Variants in ARHGAP15 observed in about 807,000 individuals in gnomAD.
ARHGAP15 encodes the protein rho GTPase-activating protein 15.
Under a neutral mutation model 63.7 loss-of-function variants are expected in ARHGAP15, and 51 were observed. That is an observed-to-expected ratio of 0.80 (90% CI 0.64 to 1.01). The LOEUF is 1.01. Among genes scored for constraint, ARHGAP15 ranks in the 50% least tolerant of loss-of-function variants. ARHGAP15 has a pLI of 0.00. For missense variants in ARHGAP15, 560 were observed against 564.6 expected, an observed-to-expected ratio of 0.99 and a Z score of 0.08; for synonymous variants, 191 against 193.8, an observed-to-expected ratio of 0.99 and a Z score of 0.12.
chr2:143,358,624 G>A (rs1685905699), intron 6 of ARHGAP15, among the ~76,000 whole-genome samples: 1 of 150,228 alleles, frequency 6.7e-6, no homozygotes, highest in Non-Finnish European at 1.5e-5. Context: ...TTTCATACAT[G>A]TCTATAAATA....
chr2:143,208,665 T>C (rs532705156), intron 3 of ARHGAP15, among the ~76,000 whole-genome samples: 1 of 152,184 alleles, frequency 6.6e-6, no homozygotes, highest in African/African-American at 2.4e-5. Context: ...GTTTTGTACA[T>C]GAATCATCAA....
intron 6 of ARHGAP15, among the ~76,000 whole-genome samples, chr2:143,292,663 CT>C (rs1472628248): frequency 6.6e-6 from 1 of 151,862 alleles, no homozygotes; most frequent in Non-Finnish European, 1.5e-5. Flanking sequence ...TCATAAATCA[CT>C]TCCAAAGTAA....
At chr2:143,696,662 G>A (rs1270720931) in intron 12 of ARHGAP15, among the ~76,000 whole-genome samples, 1 of 152,034 alleles carries the variant, frequency 6.6e-6, no homozygotes, top group Admixed American at 6.6e-5. Context: ...GACAATTATT[G>A]ACTATAAAGA....
intron 6 of ARHGAP15, among the ~76,000 whole-genome samples, chr2:143,323,178 C>G (rs1447758059): frequency 6.6e-6 from 1 of 152,100 alleles, no homozygotes; most frequent in Admixed American, 6.5e-5. Flanking sequence ...GAGAGTGTTT[C>G]ACAGATTGAG....
rs370447854 is a variant in ARHGAP15 at position 143,481,673 on chromosome 2, A to G, written c.704-5700A>G. 2.6e-5 allele frequency among the ~76,000 whole-genome samples: 4 copies of G among 152,182 alleles called. No individual in the cohort carries two copies. The East Asian group carries it at 5.8e-4, about 22-fold the overall frequency. ...CTTCCTGTTACTAAAGTGAGAAAAT[A>G]AGTATACTAAGGGCACCCATTTACA... On this transcript the variant is annotated intron_variant, in intron 8 of 13. Coordinates refer to ENST00000295095, the MANE Select transcript of ARHGAP15 (RefSeq NM_018460.4).
At chr2:143,143,005 T>C (rs1337003194) in intron 1 of ARHGAP15, among the ~76,000 whole-genome samples, 1 of 152,164 alleles carries the variant, frequency 6.6e-6, no homozygotes, top group African/African-American at 2.4e-5. Flanking sequence ...GCAAAAATCC[T>C]ATATTTCACT....
chr2:143,372,234 C>A (rs1210328785), intron 6 of ARHGAP15, among the ~76,000 whole-genome samples: 1 of 150,680 alleles, frequency 6.6e-6, no homozygotes, highest in African/African-American at 2.4e-5. Flanking sequence ...CCCAGGTACT[C>A]GGAAGGAAGA....
intron 2 of ARHGAP15, among the ~76,000 whole-genome samples, chr2:143,167,952 G>C (rs527331984): frequency 6.6e-6 from 1 of 152,166 alleles, no homozygotes; most frequent in African/African-American, 2.4e-5. Context: ...TCTATTGACT[G>C]GCTGTTCACA....
intron 6 of ARHGAP15, chr2:143,344,217 C>A (rs1195845210): frequency 6.6e-6 from 1 of 152,084 alleles, no homozygotes; most frequent in Non-Finnish European, 1.5e-5. Context: ...GCGTCTTTAA[C>A]CCTGAGTAGA....
At chr2:143,543,469 T>C (rs1234534769) in intron 10 of ARHGAP15, among the ~76,000 whole-genome samples, 2 of 152,130 alleles carry the variant, frequency 1.3e-5, no homozygotes, top group African/African-American at 4.8e-5. Context: ...GTCAAATGTA[T>C]ATTTTGAAAA....
rs369024056 is a variant in ARHGAP15, at chr2:143,442,917, TAA to T, written c.703+5876_703+5877del. Reference sequence around the variant, plus strand: ...AAAGAAAGATCAAATTTTCTGAATATAAGTTACATTAAGACCTCTTTACATGA... The same window carrying T: ...AAAGAAAGATCAAATTTTCTGAATATGTTACATTAAGACCTCTTTACATGA... On this transcript the variant is annotated intron_variant, in intron 8 of 13. Transcript: ENST00000295095. Among the ~76,000 whole-genome samples, 297 of 152,314 alleles carry T rather than the reference TAA, an allele frequency of 1.9e-3. 2 individuals carry two copies. Among genetic ancestry groups the T allele is most frequent in the African/African-American group, 7.0e-3 (289 of 41,582 alleles).
chr2:143,701,065 T>G (rs548006891), intron 12 of ARHGAP15, among the ~76,000 whole-genome samples: 1 of 152,280 alleles, frequency 6.6e-6, no homozygotes, highest in East Asian at 1.9e-4. Flanking sequence ...GGAACTCTTC[T>G]AAGAATAACT....
At chr2:143,237,979 C>T (rs2104938179) in intron 5 of ARHGAP15, 1 of 152,120 alleles carries the variant, frequency 6.6e-6, no homozygotes, top group Middle Eastern at 3.4e-3. Flanking sequence ...ACATTTAAGT[C>T]TTTAATCCAT....
At chr2:143,756,888 T>TGCCCAATA (rs1686598569) in intron 13 of ARHGAP15, among the ~76,000 whole-genome samples, 2 of 152,176 alleles carry the variant, frequency 1.3e-5, no homozygotes, top group South Asian at 2.1e-4. Flanking sequence ...CTGACTCACT[T>TGCCCAATA]TTTTCCCAAG....
intron 6 of ARHGAP15, among the ~76,000 whole-genome samples, chr2:143,341,524 C>G (rs575507109): frequency 6.6e-6 from 1 of 152,208 alleles, no homozygotes; most frequent in South Asian, 2.1e-4. Flanking sequence ...GCTTCAGATT[C>G]CCCATGTCCT....
chr2:143,490,519 G>A (rs1692540596), intron 9 of ARHGAP15, among the ~76,000 whole-genome samples: 1 of 152,140 alleles, frequency 6.6e-6, no homozygotes, highest in Admixed American at 6.5e-5. Context: ...TCAATCACAA[G>A]CCCTTTCTTC....
At chr2:143,543,391 C>T (rs1176447565) in intron 10 of ARHGAP15, among the ~76,000 whole-genome samples, 1 of 151,856 alleles carries the variant, frequency 6.6e-6, no homozygotes, top group Non-Finnish European at 1.5e-5. Flanking sequence ...AACTTGGGCT[C>T]AGGTTGTTTT....
At chr2:143,220,509 C>A (rs1188481358) in intron 4 of ARHGAP15, among the ~76,000 whole-genome samples, 1 of 152,130 alleles carries the variant, frequency 6.6e-6, no homozygotes, top group Non-Finnish European at 1.5e-5. Flanking sequence ...TAGCACCCAG[C>A]CTTCTTTTAT....
intron 12 of ARHGAP15, among the ~76,000 whole-genome samples, chr2:143,682,397 T>C (rs1375589491): frequency 6.6e-6 from 1 of 152,036 alleles, no homozygotes; most frequent in Non-Finnish European, 1.5e-5. Context: ...ATGAGAATCA[T>C]AAATAATATA....
Sources: allele counts gnomAD v4.1 joint callset (sites outside exome capture counted in the v4.1 genomes callset), GRCh38; gene constraint gnomAD v4.1.1; transcripts MANE v1.5; gene names NCBI Gene and HGNC (gene_info 2026-07-23, HGNC 2026-07-21).